Variants in MEIG1 observed in about 807,000 individuals in gnomAD.
MEIG1 encodes meiosis expressed gene 1 protein homolog.
In MEIG1, 12 loss-of-function variants were observed where a neutral mutation model predicts 11.3. The observed-to-expected ratio is 1.07, with a 90% CI of 0.68 to 1.73. MEIG1 has a LOEUF of 1.73. MEIG1 is among the 40% of genes most tolerant of loss of function. The probability of loss-of-function intolerance (pLI) is 0.00; values close to 1 mark genes in which losing one functional copy is unlikely to be tolerated. For missense variants in MEIG1, 119 were observed against 104.9 expected (o/e 1.13, Z -0.59); for synonymous variants, 41 against 33.2 (o/e 1.24, Z -0.81).
intron 1 of MEIG1, among the ~76,000 whole-genome samples, chr10:14,979,346 A>G (rs12261369): frequency 0.053 from 8,067 of 151,650 alleles, 711 homozygotes; most frequent in African/African-American, 0.18. Flanking sequence ...GGAGGTGTAC[A>G]CCCTGTGATA....
intron 1 of MEIG1, among the ~76,000 whole-genome samples, chr10:14,964,096 CAAAAAA>C (rs370368866): frequency 7.6e-5 from 9 of 117,812 alleles, no homozygotes; most frequent in Admixed American, 8.6e-5. Context: ...GACTCCGTCT[CAAAAAA>C]AAAAAAAAAA....
downstream of MEIG1, among the ~76,000 whole-genome samples, chr10:14,977,211 C>A (rs1044878086): frequency 3.3e-5 from 5 of 151,942 alleles, no homozygotes; most frequent in South Asian, 2.1e-4. Flanking sequence ...GAAGATAACA[C>A]CCTGTGACAC....
chr10:14,954,674 C>G (rs1325743733), upstream of MEIG1, among the ~76,000 whole-genome samples: 1 of 152,038 alleles, frequency 6.6e-6, no homozygotes, highest in Non-Finnish European at 1.5e-5. Context: ...CGCTGCTGGC[C>G]TCTCCCCTGG....
chr10:14,971,072 C>A (rs1214054870), intron 2 of MEIG1, among the ~76,000 whole-genome samples: 1 of 151,922 alleles, frequency 6.6e-6, no homozygotes, highest in African/African-American at 2.4e-5. Flanking sequence ...GTAGATAAAC[C>A]AATATGGTAT....
chr10:14,974,368 C>G (rs1273135581), downstream of MEIG1, among the ~76,000 whole-genome samples: 1 of 152,094 alleles, frequency 6.6e-6, no homozygotes, highest in Non-Finnish European at 1.5e-5. Flanking sequence ...CAGTTTGGAG[C>G]AAATCAATTA....
At chr10:14,987,114 A>T (rs1843326128) in intron 2 of MEIG1, 1 of 777,246 alleles carries the variant, frequency 1.3e-6, no homozygotes, top group Non-Finnish European at 2.0e-6. Context: ...TACATGCAAA[A>T]AAGGACCAAG....
chr10:14,966,645 A>G, intron 2 of MEIG1, 39 bp downstream of exon 2: 1 of 1,571,860 alleles, frequency 6.4e-7, no homozygotes, highest in African/African-American at 1.4e-5. Flanking sequence ...CTCGAAATGT[A>G]TTTCTCAGAT....
downstream of MEIG1, among the ~76,000 whole-genome samples, chr10:14,976,982 A>G (rs1414036062): frequency 6.6e-6 from 1 of 151,814 alleles, no homozygotes; most frequent in African/African-American, 2.4e-5. Context: ...ATTATTCGTT[A>G]TATCCACGGG....
intron 2 of MEIG1, among the ~76,000 whole-genome samples, chr10:14,971,204 T>TATAATAATAATG (rs1843144749): frequency 1.7e-5 from 1 of 57,168 alleles, no homozygotes; most frequent in East Asian, 3.8e-4. Context: ...CTCGGCAACA[T>TATAATAATAATG]ATAATAATAA....
chr10:14,978,401 G>A (rs1843232227), intron 1 of MEIG1, among the ~76,000 whole-genome samples: 1 of 151,658 alleles, frequency 6.6e-6, no homozygotes, highest in South Asian at 2.1e-4. Flanking sequence ...ACATCCTAGG[G>A]GAATATTAGT....
chr10:14,957,179 T>C (rs1384897199), upstream of MEIG1, among the ~76,000 whole-genome samples: 1 of 152,226 alleles, frequency 6.6e-6, no homozygotes, highest in African/African-American at 2.4e-5. Context: ...ACTCATTATT[T>C]CATCCTCACA....
At chr10:14,967,101 G>A (rs1843093811) in intron 2 of MEIG1, among the ~76,000 whole-genome samples, 1 of 152,154 alleles carries the variant, frequency 6.6e-6, no homozygotes, top group South Asian at 2.1e-4. Context: ...GGGAGAAGAG[G>A]TGGTCGTTTA....
chr10:14,983,309 G>A (rs1176541083), intron 1 of MEIG1, among the ~76,000 whole-genome samples: 1 of 152,100 alleles, frequency 6.6e-6, no homozygotes, highest in African/African-American at 2.4e-5. Flanking sequence ...ATCGCAGGAA[G>A]TGCACAACCC....
Position 14,972,113 on chromosome 10 carries a change from C to T in MEIG1, c.139-400C>T, listed in dbSNP as rs578165515. Among the ~76,000 whole-genome samples, 15 of 151,722 alleles carry T rather than the reference C, an allele frequency of 9.9e-5. No individual in the cohort carries two copies. In the South Asian group the frequency reaches 3.1e-3, roughly 31 times the overall value. On this transcript the variant is annotated intron_variant, in intron 2 of 2. Coordinates refer to ENST00000407572, the MANE Select transcript of MEIG1 (RefSeq NM_001080836.3). ...CACTGCAACCCCTGCCTCCAGAGTT[C>T]AATGGATTCTTCTGCCTCAGCCCCC...
Position 14,972,598 on chromosome 10 carries a change from G to A in MEIG1, c.224G>A (p.Cys75Tyr), listed in dbSNP as rs762199478. 1.9e-6 allele frequency: 3 copies of A among 1,613,262 alleles called. No homozygotes were observed. The South Asian group carries it at 3.3e-5, about 18-fold the overall frequency. ...TFYYYNKQRE[C>Y]DDKEVHKVKI... ...TATTACTACAACAAACAGAGGGAAT[G>A]TGATGACAAAGAAGTCCACAAAGTG... Residue 75 changes from cysteine (C) to tyrosine (Y), a missense_variant, in exon 3 of 3, where the codon TGT becomes TAT. Coordinates refer to ENST00000407572, the MANE Select transcript of MEIG1 (RefSeq NM_001080836.3).
At chr10:14,955,059 G>C (rs1396317839), upstream of MEIG1, among the ~76,000 whole-genome samples, 2 of 152,212 alleles carry the variant, frequency 1.3e-5, no homozygotes, top group African/African-American at 2.4e-5. Context: ...AGCCTCCAGA[G>C]TAGCTGGGAC....
At chr10:14,963,852 C>T (rs1340062093) in intron 1 of MEIG1, among the ~76,000 whole-genome samples, 1 of 152,072 alleles carries the variant, frequency 6.6e-6, no homozygotes, top group Non-Finnish European at 1.5e-5. Context: ...TAATCCCAGC[C>T]TTTTGGGGGG....
Position 14,963,017 on chromosome 10 carries a change from C to G in MEIG1, c.-29-3423C>G, listed in dbSNP as rs547343344. On this transcript the variant is annotated intron_variant, in intron 1 of 2. Coordinates refer to ENST00000407572, the MANE Select transcript of MEIG1 (RefSeq NM_001080836.3). ...GACCTCGTGATCCACCCACTTCAGT[C>G]TCCCAGAGTGCTGGGATTACAGGCG... 1.9e-3 allele frequency among the ~76,000 whole-genome samples: 294 copies of G among 151,858 alleles called. 2 individuals carry two copies. Among genetic ancestry groups the G allele is most frequent in the Non-Finnish European group, 2.8e-3 (193 of 67,976 alleles).
At position 14,972,577 on chromosome 10, in the gene MEIG1, A is replaced by G. The variant is rs776067551; in HGVS notation, c.203A>G (p.Tyr68Cys). Reference protein sequence around the residue: ...KLQRRDNTFYYYNKQRECDDK... With the variant: ...KLQRRDNTFYCYNKQRECDDK... ...CAGAGAAGGGACAATACGTTCTATT[A>G]CTACAACAAACAGAGGGAATGTGAT... Residue 68 changes from tyrosine to cysteine, a missense_variant, in exon 3 of 3, where the codon TAC becomes TGC. Physicochemically the swap from Tyr to Cys is radical, Grantham distance 194 (BLOSUM62 -2). Coordinates refer to ENST00000407572, the MANE Select transcript of MEIG1 (RefSeq NM_001080836.3). 1.2e-6 allele frequency: 2 copies of G among 1,613,916 alleles called. No individual in the cohort carries two copies. Among genetic ancestry groups the G allele is most frequent in the Non-Finnish European group, 1.7e-6 (2 of 1,179,906 alleles).
Sources: gnomAD v4.1 joint callset for allele counts (sites outside exome capture counted in the v4.1 genomes callset) on GRCh38, gnomAD v4.1.1 for gene constraint, MANE v1.5 for transcripts, NCBI Gene and HGNC (gene_info 2026-07-23, HGNC 2026-07-21) for gene names.